Variants in MCM10 observed in about 807,000 individuals in gnomAD.
MCM10 encodes the protein minichromosome maintenance 10 replication initiation factor, also known as protein MCM10 homolog.
MCM10 carries 91 observed loss-of-function variants against 109.9 expected under a neutral mutation model. That is an observed-to-expected ratio of 0.83 (90% confidence interval 0.70 to 0.99). MCM10 has a LOEUF of 0.99. Among genes scored for constraint, MCM10 ranks in the 50% least tolerant of loss-of-function variants. The pLI is 0.00. For synonymous variants in MCM10, 380 were observed against 387.2 expected (o/e 0.98, Z 0.22); for missense variants, 1,077 against 1,061.2 (o/e 1.01, Z -0.21).
intron 18 of MCM10, 140 bp from the exon 19 acceptor site, chr10:13,208,951 T>G: frequency 4.3e-6 from 3 of 690,740 alleles, no homozygotes; most frequent in Non-Finnish European, 2.6e-6. Flanking sequence ...AACCTCAGAT[T>G]TGGCATACAA....
At chr10:13,164,083 A>C (rs914582491) in intron 1 of MCM10, 45 bp from the exon 2 acceptor site, 48 of 810,146 alleles carry the variant, frequency 5.9e-5, no homozygotes, top group Non-Finnish European at 8.5e-5. Context: ...TTGTGAGAGA[A>C]AGAGAAGAAT....
At chr10:13,169,004 A>G (rs548364400) in intron 2 of MCM10, among the ~76,000 whole-genome samples, 3 of 152,376 alleles carry the variant, frequency 2.0e-5, no homozygotes, top group Admixed American at 2.0e-4. Context: ...CAGCTGTGCC[A>G]ATAGGAAAAG....
Position 13,164,180 on chromosome 10 carries a change from G to C in MCM10, c.-23G>C. On this transcript the variant is annotated 5_prime_UTR_variant, in exon 2 of 20. Transcript: ENST00000378714. ...ATCTGAGCCTCCTTCGAAGTTTCCT[G>C]TCACAACTGTCCTCTTGACAGCATG... 6.3e-7 allele frequency: 1 copy of C among 1,581,816 alleles called. No homozygotes were observed. The highest frequency in any genetic ancestry group is 8.5e-7 in the Non-Finnish European group (1 of 1,170,190).
At position 13,172,305 on chromosome 10, in the gene MCM10, T is replaced by C. The variant is rs1834084342; in HGVS notation, c.350-71T>C. The C allele has an allele frequency of 2.6e-6, 3 of 1,136,084 alleles. No individual in the cohort carries two copies. Among genetic ancestry groups the C allele is most frequent in the Admixed American group, 3.7e-5 (2 of 54,788 alleles). The allele number at this position is 1,136,084 out of a possible 1,614,324, so 70.4% of individuals were successfully genotyped here. A position where few individuals can be genotyped will look rare whatever the true frequency, so the allele number is the denominator to read the frequency against. ...GGCAGGGAGTGGACAACAAAAATAT[T>C]GCCCGCATTTTTGTCATGTAGAACG... On this transcript the variant is annotated intron_variant, in intron 3 of 19. Coordinates refer to ENST00000378714, the MANE Select transcript of MCM10 (RefSeq NM_018518.5). This position sits in a 1 kb window ranked among gnomAD's most constrained non-coding sequence, Gnocchi z 5.2.
In MCM10 at chr10:13,175,542, G is replaced by A; in HGVS notation, c.625G>A (p.Ala209Thr). 6.2e-7 allele frequency: 1 copy of A among 1,613,874 alleles called. No homozygotes were observed. Among genetic ancestry groups the A allele is most frequent in the Non-Finnish European group, 8.5e-7 (1 of 1,179,846 alleles). ...PKSSSSRMTS[A>T]PSQPLQTISR... ...AAGCTCATCTTCAAGGATGACAAGT[G>A]CACCCTCCCAACCCCTACAGACGAT... is the stretch of plus-strand genomic sequence containing the variant. Residue 209 changes from alanine (A) to threonine (T), a missense_variant, in exon 6 of 20, where the codon GCA (alanine) becomes ACA (threonine). Physicochemically the swap from Ala to Thr is moderately conservative, Grantham distance 58 (BLOSUM62 0). Coordinates refer to ENST00000378714, the MANE Select transcript of MCM10 (RefSeq NM_018518.5).
chr10:13,171,183 T>A lies in MCM10; in HGVS notation c.269T>A (p.Val90Asp). The A allele has an allele frequency of 6.2e-7, 1 of 1,614,078 alleles. No homozygotes were observed. The highest frequency in any genetic ancestry group is 8.5e-7 in the Non-Finnish European group (1 of 1,179,992). Residue 90 changes from valine to aspartate, a missense_variant, in exon 3 of 20, where the codon GTT becomes GAT. Val to Asp is a radical substitution (Grantham distance 152, BLOSUM62 -3). Transcript: ENST00000378714. ...GAGGACTTAACAGATGAAGAAGAAG[T>A]TCCCGCATCACAGTCAACTGAAAAT... is the stretch of plus-strand genomic sequence containing the variant. ...DMEDLTDEEE[V>D]PASQSTENRV...
chr10:13,182,997 T>G lies in MCM10; in HGVS notation c.995T>G (p.Phe332Cys). Residue 332 changes from phenylalanine (F) to cysteine (C), a missense_variant, in exon 8 of 20, where the codon TTC (phenylalanine) becomes TGC (cysteine). By Grantham distance (205) the Phe-to-Cys change is radical (BLOSUM62 -2). Coordinates refer to ENST00000378714, the MANE Select transcript of MCM10 (RefSeq NM_018518.5). This position sits in a 1 kb window ranked among gnomAD's most constrained non-coding sequence, Gnocchi z 4.2. ...GACCTGACACAATGTGTGTCCTTGT[T>G]CTTATTTGGAGAAGTTCACAAAGCG... ...LRDLTQCVSL[F>C]LFGEVHKALW... 1 of 1,614,130 alleles carries G rather than the reference T, an allele frequency of 6.2e-7. No individual in the cohort carries two copies. Among genetic ancestry groups the G allele is most frequent in the Non-Finnish European group, 8.5e-7 (1 of 1,180,008 alleles).
Position 13,204,269 on chromosome 10 carries a change from T to G in MCM10, c.2403T>G (p.His801Gln). Residue 801 changes from histidine to glutamine, a missense_variant, in exon 18 of 20, where the codon CAT becomes CAG. Physicochemically the swap from His to Gln is conservative, Grantham distance 24 (BLOSUM62 0). Transcript: ENST00000378714. ...KLLETCVSEQ[H>Q]EYHWHDGVKR... ...TGGAGACCTGCGTCAGTGAGCAGCA[T>G]GAATACCACTGGCATGATGGTGTGA... 2 of 1,614,218 alleles carry G rather than the reference T, an allele frequency of 1.2e-6. No homozygotes were observed. Among genetic ancestry groups the G allele is most frequent in the Non-Finnish European group, 1.7e-6 (2 of 1,180,034 alleles).
At chr10:13,190,894 C>A (rs1381085364) in intron 10 of MCM10, among the ~76,000 whole-genome samples, 2 of 152,144 alleles carry the variant, frequency 1.3e-5, no homozygotes, top group Non-Finnish European at 2.9e-5. Context: ...TGCCTTAATT[C>A]ATTTAAACAA....
intron 11 of MCM10, 75 bp downstream of exon 11, chr10:13,191,474 T>C: frequency 8.5e-7 from 1 of 1,182,642 alleles, no homozygotes; most frequent in Non-Finnish European, 1.3e-6. Context: ...GACTACACAT[T>C]GGGTACAGGG....
intron 17 of MCM10, 63 bp from the exon 18 acceptor site, chr10:13,204,156 A>G (rs1469758964): frequency 6.3e-7 from 1 of 1,580,536 alleles, no homozygotes; most frequent in Non-Finnish European, 8.6e-7. Context: ...CCCTTACTGC[A>G]GCTGAGCATT....
chr10:13,201,862 C>A, intron 17 of MCM10: 1 of 259,128 alleles, frequency 3.9e-6, no homozygotes, highest in East Asian at 9.3e-5. Context: ...TATCCTCGCT[C>A]AGCGTTCTCA....
In MCM10 at chr10:13,174,530, A is replaced by G. The variant is rs1350759945; in HGVS notation, c.593-980A>G. On this transcript the variant is annotated intron_variant, in intron 5 of 19. Coordinates refer to ENST00000378714, the MANE Select transcript of MCM10 (RefSeq NM_018518.5). ...GTATCTTGATGAATATTCAGTAAACATCATTGCATAGAGAATCAGTATTAT... is the reference window on the plus strand; with the variant it reads ...GTATCTTGATGAATATTCAGTAAACGTCATTGCATAGAGAATCAGTATTAT... Among the ~76,000 whole-genome samples the G allele has an allele frequency of 3.3e-5, 5 of 152,220 alleles. No homozygotes were observed. In the East Asian group the frequency reaches 9.6e-4, roughly 29 times the overall value.
At chr10:13,204,485 G>T (rs1834543575) in intron 18 of MCM10, 121 bp downstream of exon 18, 1 of 1,274,808 alleles carries the variant, frequency 7.8e-7, no homozygotes, top group Non-Finnish European at 1.1e-6. Flanking sequence ...ATAGCTCCAG[G>T]CTACCCTTGG....
intron 5 of MCM10, among the ~76,000 whole-genome samples, chr10:13,174,811 T>G (rs1452324928): frequency 6.6e-6 from 1 of 152,124 alleles, no homozygotes; most frequent in Non-Finnish European, 1.5e-5. Flanking sequence ...CAAGATTTGA[T>G]TATTGCATGT....
At chr10:13,162,751 A>C (rs1833943996) in intron 1 of MCM10, among the ~76,000 whole-genome samples, 2 of 152,326 alleles carry the variant, frequency 1.3e-5, no homozygotes, top group South Asian at 2.1e-4. Context: ...AGTGTGTGGC[A>C]CATGAGGGAT....
Position 13,204,331 on chromosome 10 carries a change from T to C in MCM10, c.2465T>C (p.Ile822Thr). ...AAATGTCCCTGTGGAAACAGAAGCATCTCCTTGGACAGACTCCCGAACAAG... is the reference window on the plus strand; with the variant it reads ...AAATGTCCCTGTGGAAACAGAAGCACCTCCTTGGACAGACTCCCGAACAAG... ...FFKCPCGNRS[I>T]SLDRLPNKHC... Residue 822 changes from isoleucine to threonine, a missense_variant, in exon 18 of 20, where the codon ATC (isoleucine) becomes ACC (threonine). Coordinates refer to ENST00000378714, the MANE Select transcript of MCM10 (RefSeq NM_018518.5). 1 of 1,614,202 alleles carries C rather than the reference T, an allele frequency of 6.2e-7. No homozygotes were observed. Among genetic ancestry groups the C allele is most frequent in the Non-Finnish European group, 8.5e-7 (1 of 1,180,034 alleles).
At chr10:13,193,651 T>C (rs1834378296) in intron 13 of MCM10, among the ~76,000 whole-genome samples, 1 of 152,100 alleles carries the variant, frequency 6.6e-6, no homozygotes. Context: ...AGTAAGAGAA[T>C]GGGTTTGGTC....
At position 13,201,485 on chromosome 10, in the gene MCM10, A is replaced by T; in HGVS notation, c.2303A>T (p.Lys768Met). 6.2e-7 allele frequency: 1 copy of T among 1,613,180 alleles called. No individual in the cohort carries two copies. Among genetic ancestry groups the T allele is most frequent in the Non-Finnish European group, 8.5e-7 (1 of 1,179,594 alleles). Residue 768 changes from lysine (K) to methionine (M), a missense_variant, in exon 17 of 20, where the codon AAG becomes ATG. Transcript: ENST00000378714. ...GTGAAAAAAGAACAAATGGAAGAAAAGATGAGAAACATCAGAGAAGTGAAG... is the reference window on the plus strand; with the variant it reads ...GTGAAAAAAGAACAAATGGAAGAAATGATGAGAAACATCAGAGAAGTGAAG... ...PLVKKEQMEE[K>M]MRNIREVKCR... is the part of the protein sequence containing the mutation.
Sources: gnomAD v4.1 joint callset for allele counts (sites outside exome capture counted in the v4.1 genomes callset) on GRCh38, gnomAD v4.1.1 for gene constraint, Gnocchi (gnomAD v3.1) non-coding constraint, MANE v1.5 for transcripts, NCBI Gene and HGNC (gene_info 2026-07-23, HGNC 2026-07-21) for gene names.